Variants in EBF2 observed in about 807,000 individuals in gnomAD.
EBF2 encodes the protein transcription factor COE2.
In EBF2, 21 loss-of-function variants were observed where a neutral mutation model predicts 72.8. The ratio of observed to expected loss-of-function variants is 0.29; its 90% confidence interval spans 0.20 to 0.42. The LOEUF (loss-of-function observed/expected upper bound fraction) is 0.42. EBF2 is among the 10% of genes least tolerant of loss of function. The probability of loss-of-function intolerance (pLI) is 1.00; values close to 1 mark genes in which losing one functional copy is unlikely to be tolerated. For missense variants in EBF2, 637 were observed against 731.2 expected (o/e 0.87, Z 1.49); for synonymous variants, 299 against 274.2 (o/e 1.09, Z -0.89).
At chr8:25,997,659 G>C (rs1308802263) in intron 6 of EBF2, among the ~76,000 whole-genome samples, 1 of 151,990 alleles carries the variant, frequency 6.6e-6, no homozygotes, top group Non-Finnish European at 1.5e-5. Context: ...TTCAAATTGG[G>C]AGCTGGAAGC....
chr8:25,846,165 G>A (rs1260562038), intron 15 of EBF2, among the ~76,000 whole-genome samples: 1 of 152,018 alleles, frequency 6.6e-6, no homozygotes, highest in Admixed American at 6.5e-5. Flanking sequence ...GTTCAATTCT[G>A]GACACTCCCT....
chr8:26,041,944 G>A lies in EBF2; in HGVS notation c.288+151C>T, dbSNP rs925380291. ...GGGGTGGGAGGAGGTTCGGGAAATC[G>A]ACTGATTTAGAGGCTGGGGGTGAGT... On this transcript the variant is annotated intron_variant, in intron 2 of 15. Transcript: ENST00000520164. The A allele has an allele frequency of 1.5e-5, 18 of 1,191,930 alleles. No individual in the cohort carries two copies. In the African/African-American group the frequency reaches 2.6e-4, roughly 17 times the overall value. The allele number at this position is 1,191,930 out of a possible 1,614,324, so 73.8% of individuals were successfully genotyped here. A position where few individuals can be genotyped will look rare whatever the true frequency, so the allele number is the denominator to read the frequency against.
Position 25,861,104 on chromosome 8 carries a change from G to A in EBF2, c.1287C>T (p.Ser429=), listed in dbSNP as rs1339364389. ...PAHSGMMGIN[S]YGSQLGVSIS... ...TGCTGACCCCAAGCTGGCTGCCATA[G>A]GAGTTGATTCCCATCATGCCACTGT... Residue 429 remains serine, a synonymous_variant, in exon 13 of 16, where the codon TCC becomes TCT. Transcript: ENST00000520164. The A allele has an allele frequency of 5.0e-6, 8 of 1,614,164 alleles. No homozygotes were observed. Among genetic ancestry groups the A allele is most frequent in the Non-Finnish European group, 6.8e-6 (8 of 1,180,030 alleles).
chr8:25,844,715 C>A, intron 15 of EBF2, 75 bp from the exon 16 acceptor site: 1 of 1,562,584 alleles, frequency 6.4e-7, no homozygotes, highest in Non-Finnish European at 8.8e-7. Flanking sequence ...GAATGAGGGG[C>A]AGGGGATGGG....
At chr8:26,041,891 G>A (rs987755320) in intron 2 of EBF2, among the ~76,000 whole-genome samples, 1 of 152,198 alleles carries the variant, frequency 6.6e-6, no homozygotes, top group African/African-American at 2.4e-5. Context: ...AGCCGGGAGC[G>A]CTCCTCCAGC....
intron 6 of EBF2, among the ~76,000 whole-genome samples, chr8:25,995,959 G>A (rs190364524): frequency 5.7e-4 from 87 of 151,938 alleles, no homozygotes; most frequent in South Asian, 1.0e-3. Context: ...AGATTTTAAC[G>A]TATCCTCCTT....
chr8:26,005,274 T>C (rs189850054), intron 6 of EBF2, among the ~76,000 whole-genome samples: 1 of 692 alleles, frequency 1.4e-3, no homozygotes, highest in Non-Finnish European at 2.7e-3. Context: ...ATATAATATA[T>C]ATAATTATAT....
chr8:25,861,382 A>G lies in EBF2; in HGVS notation c.1099-8T>C, dbSNP rs751608705. ...TCTTTTCAACAGCATCTCCTGGAAA[A>G]TAAGCGAGGATGGGATATTGTCAAA... On this transcript the variant is annotated splice_region_variant and splice_polypyrimidine_tract_variant and intron_variant, in intron 11 of 15. Transcript: ENST00000520164. 13 of 1,614,094 alleles carry G rather than the reference A, an allele frequency of 8.1e-6. No individual in the cohort carries two copies. In the African/African-American group the frequency reaches 1.5e-4, roughly 18 times the overall value.
chr8:26,045,002 A>G lies in EBF2; in HGVS notation c.-143T>C, dbSNP rs1426479779. The G allele has an allele frequency of 1.2e-5, 11 of 886,324 alleles. No homozygotes were observed. Among genetic ancestry groups the G allele is most frequent in the Non-Finnish European group, 1.8e-5 (11 of 599,560 alleles). 54.9% of individuals were successfully genotyped at this position (886,324 alleles called of 1,614,324 possible). On this transcript the variant is annotated 5_prime_UTR_variant, in exon 1 of 16. Coordinates refer to ENST00000520164, the MANE Select transcript of EBF2 (RefSeq NM_022659.4). The stretch of plus-strand genomic sequence containing the variant: ...GTGCCCAAGTTTGAGTCTTAGAAAA[A>G]AAAAAAAGATAACCCGTCCTTTGCT...
At chr8:25,905,183 A>G (rs1803014544) in intron 7 of EBF2, among the ~76,000 whole-genome samples, 1 of 152,162 alleles carries the variant, frequency 6.6e-6, no homozygotes, top group African/African-American at 2.4e-5. Flanking sequence ...GAATTTTTTT[A>G]AAACAGAAAA....
chr8:26,029,977 T>C (rs546913741), intron 6 of EBF2, among the ~76,000 whole-genome samples: 2 of 152,258 alleles, frequency 1.3e-5, no homozygotes, highest in Admixed American at 1.3e-4. Context: ...GGTGGCACGA[T>C]CACAGTTCTC....
rs558688151 is a variant in EBF2, at chr8:26,040,704, C to T, written c.353-33G>A. On this transcript the variant is annotated intron_variant, in intron 3 of 15. Transcript: ENST00000520164. ...GACCGGAGGGGCACGAGTCAAGGGC[C>T]GTAGAGCCCCTTCCGGGCACCCCAA... 36 of 1,550,832 alleles carry T rather than the reference C, an allele frequency of 2.3e-5. No individual in the cohort carries two copies. The East Asian group carries it at 6.1e-4, about 26-fold the overall frequency.
intron 6 of EBF2, among the ~76,000 whole-genome samples, chr8:25,975,481 T>C (rs1804254101): frequency 6.6e-6 from 1 of 152,208 alleles, no homozygotes; most frequent in African/African-American, 2.4e-5. Context: ...CAGGATTAAG[T>C]AGACAGCTAA....
At chr8:25,861,565 A>C (rs569316151) in intron 11 of EBF2, among the ~76,000 whole-genome samples, 191 bp from the exon 12 acceptor site, 1 of 152,244 alleles carries the variant, frequency 6.6e-6, no homozygotes, top group Non-Finnish European at 1.5e-5. Context: ...ATACGTATCT[A>C]TCTGAAATTC....
chr8:26,009,672 T>A (rs1333706581), intron 6 of EBF2, among the ~76,000 whole-genome samples: 1 of 152,298 alleles, frequency 6.6e-6, no homozygotes, highest in East Asian at 1.9e-4. Context: ...TCTACTACAT[T>A]ATAGCGATCG....
intron 6 of EBF2, among the ~76,000 whole-genome samples, chr8:25,995,026 G>A (rs945563168): frequency 6.6e-6 from 1 of 152,114 alleles, no homozygotes; most frequent in Admixed American, 6.6e-5. Flanking sequence ...GATATATACA[G>A]TAGGCGTGGT....
At chr8:26,002,952 A>G (rs12678044) in intron 6 of EBF2, among the ~76,000 whole-genome samples, 1,556 of 123,562 alleles carry the variant, frequency 0.013, 22 homozygotes, top group South Asian at 0.035. Context: ...GCGGGCGGGC[A>G]GGCAGGCAGG....
rs373265607 is a variant in EBF2, at chr8:25,858,270, C to T, written c.1528+49G>A. Reference sequence around the variant, plus strand: ...TCTCCCAAAAGGCCCAATAGTAAAACCCAGAGACAAAAAAGCATGGAGAGC... The same window carrying T: ...TCTCCCAAAAGGCCCAATAGTAAAATCCAGAGACAAAAAAGCATGGAGAGC... On this transcript the variant is annotated intron_variant, in intron 14 of 15. Coordinates refer to ENST00000520164, the MANE Select transcript of EBF2 (RefSeq NM_022659.4). 1,295 of 1,607,934 alleles carry T rather than the reference C, an allele frequency of 8.1e-4. 2 individuals carry two copies. The highest frequency in any genetic ancestry group is 1.1e-3 in the Admixed American group (66 of 59,652).
intron 6 of EBF2, among the ~76,000 whole-genome samples, chr8:26,008,543 A>G (rs1804921310): frequency 6.6e-6 from 1 of 152,174 alleles, no homozygotes; most frequent in Non-Finnish European, 1.5e-5. Flanking sequence ...TACTACGTTA[A>G]CCACTAAAGT....
Sources: allele counts gnomAD v4.1 joint callset (sites outside exome capture counted in the v4.1 genomes callset), GRCh38; gene constraint gnomAD v4.1.1; transcripts MANE v1.5; gene names NCBI Gene and HGNC (gene_info 2026-07-23, HGNC 2026-07-21).